The following DENND2B variants were observed in gnomAD, a reference collection of about 807,000 sequenced individuals.
DENND2B encodes DENN domain containing 2B.
A neutral mutation model predicts 116.0 loss-of-function variants in DENND2B; 32 were observed. The observed-to-expected ratio is 0.28, with a 90% CI of 0.21 to 0.37. The LOEUF is 0.37. Ranked by LOEUF, DENND2B falls within the 10% of genes least tolerant of loss-of-function variation. The pLI is 1.00. For synonymous variants in DENND2B, 588 were observed against 583.9 expected, an observed-to-expected ratio of 1.01 and a Z score of -0.10; for missense variants, 1,276 against 1,477.7, an observed-to-expected ratio of 0.86 and a Z score of 2.24.
chr11:8,902,178 T>G (rs2064178091), intron 1 of DENND2B, among the ~76,000 whole-genome samples: 2 of 151,920 alleles, frequency 1.3e-5, no homozygotes, highest in African/African-American at 4.8e-5. Flanking sequence ...ATACAAAAAG[T>G]AGCCGGGTGT....
chr11:8,899,386 A>G (rs1380955851), intron 1 of DENND2B, among the ~76,000 whole-genome samples: 1 of 152,222 alleles, frequency 6.6e-6, no homozygotes, highest in African/African-American at 2.4e-5. Context: ...AAAGAGGTCC[A>G]TACCTAGAAA....
At chr11:8,850,747 A>G (rs1221216705) in intron 3 of DENND2B, among the ~76,000 whole-genome samples, 1 of 152,262 alleles carries the variant, frequency 6.6e-6, no homozygotes, top group Non-Finnish European at 1.5e-5. Flanking sequence ...AGCATTATTC[A>G]TAATAGCCAA....
intron 1 of DENND2B, among the ~76,000 whole-genome samples, chr11:8,907,569 G>A (rs1566096627): frequency 6.6e-6 from 1 of 152,094 alleles, no homozygotes; most frequent in African/African-American, 2.4e-5. Flanking sequence ...TTTGGTTTCA[G>A]TTTCATTTCA....
At chr11:8,708,264 C>T (rs2042964798) in intron 11 of DENND2B, 10 of 985,340 alleles carry the variant, frequency 1.0e-5, no homozygotes, top group Non-Finnish European at 1.2e-5. Flanking sequence ...AGCTTTTTAG[C>T]CCCATAGGGC....
chr11:8,880,977 C>CT (rs1456196066), intron 2 of DENND2B: 2 of 152,108 alleles, frequency 1.3e-5, no homozygotes, highest in Non-Finnish European at 2.9e-5. Flanking sequence ...CAGAAGCATG[C>CT]TTACTCTACT....
chr11:8,851,652 A>C (rs770770380), intron 3 of DENND2B, among the ~76,000 whole-genome samples: 2 of 152,194 alleles, frequency 1.3e-5, no homozygotes, highest in African/African-American at 4.8e-5. Context: ...TCCCCAAAAT[A>C]ATCAAGGAAC....
At chr11:8,828,276 C>CA (rs2062055191) in intron 4 of DENND2B, among the ~76,000 whole-genome samples, 1 of 152,158 alleles carries the variant, frequency 6.6e-6, no homozygotes, top group Non-Finnish European at 1.5e-5. Context: ...CTTCCTCTTC[C>CA]AGAAGTGCCT....
chr11:8,842,315 C>T (rs2062652709), intron 3 of DENND2B, among the ~76,000 whole-genome samples: 1 of 152,184 alleles, frequency 6.6e-6, no homozygotes, highest in Admixed American at 6.5e-5. Flanking sequence ...CCTTGCTGTG[C>T]TGGTCACATT....
At chr11:8,836,244 C>T (rs1441598585) in intron 4 of DENND2B, among the ~76,000 whole-genome samples, 2 of 149,590 alleles carry the variant, frequency 1.3e-5, no homozygotes. Context: ...TGAAAGTATA[C>T]AGAATCAATT....
chr11:8,783,188 G>A (rs2058568885), intron 1 of DENND2B, among the ~76,000 whole-genome samples: 1 of 151,714 alleles, frequency 6.6e-6, no homozygotes, highest in South Asian at 2.1e-4. Context: ...TTGAAAAGCT[G>A]GGACTACAGG....
chr11:8,889,438 G>C (rs947273579), intron 1 of DENND2B, among the ~76,000 whole-genome samples: 123 of 152,330 alleles, frequency 8.1e-4, no homozygotes, highest in African/African-American at 2.5e-3. Context: ...GCCAAAGCAG[G>C]GCGAGGCATC....
upstream of DENND2B, among the ~76,000 whole-genome samples, chr11:8,814,266 C>CTTTT (rs2061493150): frequency 6.4e-5 from 2 of 31,260 alleles, no homozygotes; most frequent in African/African-American, 1.6e-4. Context: ...GTCTGAATCA[C>CTTTT]CTTTTTTTTT....
At chr11:8,787,769 T>C (rs1411207675) in intron 1 of DENND2B, among the ~76,000 whole-genome samples, 1 of 152,228 alleles carries the variant, frequency 6.6e-6, no homozygotes, top group Non-Finnish European at 1.5e-5. Flanking sequence ...TCTCCTTCAG[T>C]GATGATCATT....
At chr11:8,839,673 G>C (rs1202210412) in intron 3 of DENND2B, among the ~76,000 whole-genome samples, 3 of 152,130 alleles carry the variant, frequency 2.0e-5, no homozygotes, top group Non-Finnish European at 4.4e-5. Flanking sequence ...GTGGGGAAGA[G>C]GGAAGGAAAA....
chr11:8,718,601 T>C, intron 4 of DENND2B: 2 of 1,345,118 alleles, frequency 1.5e-6, no homozygotes, highest in Non-Finnish European at 1.9e-6. Context: ...AAGAGAACCA[T>C]CAACACTCCC....
chr11:8,743,569 T>C (rs1233431772), intron 2 of DENND2B, among the ~76,000 whole-genome samples: 1 of 151,876 alleles, frequency 6.6e-6, no homozygotes, highest in Non-Finnish European at 1.5e-5. Context: ...AATTTTTTTT[T>C]TAAATTACTT....
At chr11:8,828,641 C>T (rs972489748) in intron 4 of DENND2B, among the ~76,000 whole-genome samples, 1 of 152,092 alleles carries the variant, frequency 6.6e-6, no homozygotes, top group Non-Finnish European at 1.5e-5. Flanking sequence ...TAATAGGAAA[C>T]AAGGACTCGG....
At chr11:8,776,141 TGCGCGCAC>T (rs1316457751) in intron 1 of DENND2B, 4 of 176,308 alleles carry the variant, frequency 2.3e-5, no homozygotes, top group African/African-American at 8.2e-5. Context: ...GACACGCACG[TGCGCGCAC>T]GCGCGCGCGC....
chr11:8,787,464 T>A (rs1273588381), intron 1 of DENND2B, among the ~76,000 whole-genome samples: 1 of 152,134 alleles, frequency 6.6e-6, no homozygotes, highest in Non-Finnish European at 1.5e-5. Context: ...GCACATGCCA[T>A]CATGCCAGGC....
Sources: gnomAD v4.1 joint callset for allele counts (sites outside exome capture counted in the v4.1 genomes callset) on GRCh38, gnomAD v4.1.1 for gene constraint, MANE v1.5 for transcripts, NCBI Gene and HGNC (gene_info 2026-07-23, HGNC 2026-07-21) for gene names.